DHRS4L2: variants seen among roughly 807,000 people sequenced by gnomAD.
DHRS4L2 encodes the protein dehydrogenase/reductase SDR family member 4-like 2.
In DHRS4L2, 22 loss-of-function variants were observed where a neutral mutation model predicts 23.9. That is an observed-to-expected ratio of 0.92 (90% CI 0.66 to 1.31). The LOEUF (loss-of-function observed/expected upper bound fraction) is 1.31, where lower values mean the gene tolerates loss of function less well. DHRS4L2 is among the 40% of genes most tolerant of loss of function. DHRS4L2 has a pLI of 0.00. For missense variants in DHRS4L2, 385 were observed against 303.3 expected (o/e 1.27, Z -2.00); for synonymous variants, 141 against 123.7 (o/e 1.14, Z -0.93).
At chr14:23,983,959 C>T (rs1345922900), upstream of DHRS4L2, among the ~76,000 whole-genome samples, 1 of 151,214 alleles carries the variant, frequency 6.6e-6, no homozygotes, top group African/African-American at 2.4e-5. Flanking sequence ...TGCGGTAAAC[C>T]ACCATGGCAC....
chr14:23,994,903 C>A (rs1244651080), intron 2 of DHRS4L2, 129 bp from the exon 3 acceptor site: 3 of 1,129,430 alleles, frequency 2.7e-6, no homozygotes, highest in East Asian at 2.4e-5. Context: ...CCCACCTTGG[C>A]CTCCCAAAGT....
At chr14:23,974,198 A>G (rs1255752314) in intron 1 of DHRS4L2, among the ~76,000 whole-genome samples, 1 of 151,870 alleles carries the variant, frequency 6.6e-6, no homozygotes, top group Non-Finnish European at 1.5e-5. Context: ...CTTTGAAACC[A>G]ATGAGAACAA....
At chr14:23,997,811 A>G (rs1028170576) in intron 3 of DHRS4L2, among the ~76,000 whole-genome samples, 1 of 151,752 alleles carries the variant, frequency 6.6e-6, no homozygotes, top group African/African-American at 2.4e-5. Flanking sequence ...AACTTCTTCC[A>G]GACTCCTGTA....
At position 24,000,951 on chromosome 14, in the gene DHRS4L2, G is replaced by C. The variant is rs2034474350; in HGVS notation, c.479+18G>C. On this transcript the variant is annotated intron_variant, in intron 4 of 7. Coordinates refer to ENST00000335125, the MANE Select transcript of DHRS4L2 (RefSeq NM_198083.4). ...AAACGAGGGTACAGAGAGTGAGAGAGAGCCTGGGTGAGAGGGGACCCCACA... is the reference window on the plus strand; with the variant it reads ...AAACGAGGGTACAGAGAGTGAGAGACAGCCTGGGTGAGAGGGGACCCCACA... 6.2e-7 allele frequency: 1 copy of C among 1,611,294 alleles called. No homozygotes were observed. Among genetic ancestry groups the C allele is most frequent in the Non-Finnish European group, 8.5e-7 (1 of 1,179,460 alleles).
upstream of DHRS4L2, among the ~76,000 whole-genome samples, chr14:23,986,741 C>G (rs2034151104): frequency 6.6e-6 from 1 of 151,080 alleles, no homozygotes; most frequent in African/African-American, 2.4e-5. Context: ...CAAATACCCC[C>G]CTGGAGGCTT....
intron 1 of DHRS4L2, among the ~76,000 whole-genome samples, chr14:23,981,337 A>C (rs1281775480): frequency 1.4e-4 from 22 of 151,736 alleles, no homozygotes. Context: ...GTCCATGCTC[A>C]TGGATAGGAA....
exon 1 of DHRS4L2, chr14:23,970,077 C>G (rs2033817215): frequency 2.2e-6 from 1 of 456,416 alleles, no homozygotes; most frequent in Admixed American, 2.3e-5. Context: ...TCTGCAGCAG[C>G]CTCGGCAGTA....
upstream of DHRS4L2, among the ~76,000 whole-genome samples, chr14:23,986,039 G>A (rs375777597): frequency 6.6e-6 from 1 of 151,352 alleles, no homozygotes; most frequent in Admixed American, 6.6e-5. Flanking sequence ...TTTATTTTCA[G>A]TAGAGACGAG....
intron 1 of DHRS4L2, among the ~76,000 whole-genome samples, chr14:23,972,190 G>A (rs533648142): frequency 6.6e-6 from 1 of 152,172 alleles, no homozygotes; most frequent in African/African-American, 2.4e-5. Flanking sequence ...CCCTCGCGGT[G>A]AGTGTTACAG....
chr14:23,976,162 G>A (rs2033959378), intron 1 of DHRS4L2, among the ~76,000 whole-genome samples: 1 of 151,740 alleles, frequency 6.6e-6, no homozygotes, highest in Non-Finnish European at 1.5e-5. Flanking sequence ...TCATCAGAGT[G>A]AAAAGGCAAC....
chr14:23,984,954 T>TTC (rs932909303), upstream of DHRS4L2, among the ~76,000 whole-genome samples: 16 of 151,462 alleles, frequency 1.1e-4, no homozygotes, highest in African/African-American at 3.6e-4. Flanking sequence ...GGCCCTGAGC[T>TTC]TCTATACCCC....
At chr14:23,986,654 G>A (rs2034148445), upstream of DHRS4L2, among the ~76,000 whole-genome samples, 3 of 151,558 alleles carry the variant, frequency 2.0e-5, no homozygotes, top group Admixed American at 6.6e-5. Flanking sequence ...TCTTTGAAGT[G>A]TGGTCTTCCT....
upstream of DHRS4L2, among the ~76,000 whole-genome samples, chr14:23,987,034 G>A (rs113192723): frequency 0.016 from 2,442 of 151,796 alleles, 89 homozygotes; most frequent in African/African-American, 0.056. Flanking sequence ...GAGTGCTGCA[G>A]CTGTAACTTC....
chr14:23,986,884 G>C (rs1031632101), upstream of DHRS4L2, among the ~76,000 whole-genome samples: 14 of 151,748 alleles, frequency 9.2e-5, no homozygotes, highest in East Asian at 5.8e-4. Flanking sequence ...AGAGCACAAG[G>C]AGTGTGGCGC....
rs374580169 is a variant in DHRS4L2, at chr14:23,988,963, C to T, written c.16C>T (p.Leu6=). 1.2e-6 allele frequency: 2 copies of T among 1,612,210 alleles called. No homozygotes were observed. Among genetic ancestry groups the T allele is most frequent in the Admixed American group, 1.7e-5 (1 of 59,972 alleles). The part of the protein sequence containing the change: MQMAR[L]LGLCAWARKS... Reference sequence around the variant, plus strand: ...GGTCTGATCCATGCAGATGGCCAGGCTGCTAGGCCTCTGTGCCTGGGCACG... The same window carrying T: ...GGTCTGATCCATGCAGATGGCCAGGTTGCTAGGCCTCTGTGCCTGGGCACG... The change falls in exon 1 of 8, where the codon CTG becomes TTG. Residue 6 remains leucine (L), a synonymous_variant. Transcript: ENST00000335125.
chr14:23,990,227 C>A lies in DHRS4L2; in HGVS notation c.174C>A (p.His58Gln), dbSNP rs11556286. 25 of 1,612,704 alleles carry A rather than the reference C, an allele frequency of 1.6e-5. No homozygotes were observed. The highest frequency in any genetic ancestry group is 4.5e-5 in the East Asian group (2 of 44,886). Residue 58 changes from histidine (H) to glutamine (Q), a missense_variant, in exon 2 of 8, where the codon CAC becomes CAA. Transcript: ENST00000335125. ...IARRLAQDRA[H>Q]VVVSSRKQQN... ...GGCGTTTGGCCCAGGACAGGGCCCA[C>A]GTGGTCGTCAGCAGCCGGAAGCAGC...
At chr14:23,976,960 G>C (rs2033978403) in intron 1 of DHRS4L2, among the ~76,000 whole-genome samples, 1 of 137,878 alleles carries the variant, frequency 7.3e-6, no homozygotes, top group Non-Finnish European at 1.6e-5. Context: ...GTTGGGGGCT[G>C]GGGGGCTGGG....
intron 1 of DHRS4L2, among the ~76,000 whole-genome samples, chr14:23,976,623 T>C (rs1173774294): frequency 1.3e-5 from 2 of 151,828 alleles, no homozygotes; most frequent in African/African-American, 4.8e-5. Flanking sequence ...CAAAGGATCA[T>C]AAATCATTCT....
At chr14:23,984,411 A>G (rs1338212607), upstream of DHRS4L2, among the ~76,000 whole-genome samples, 1 of 151,706 alleles carries the variant, frequency 6.6e-6, no homozygotes, top group South Asian at 2.1e-4. Flanking sequence ...AAAAGTATCA[A>G]TCCCCCAACA....
Sources: gnomAD v4.1 joint callset for allele counts (sites outside exome capture counted in the v4.1 genomes callset) on GRCh38, gnomAD v4.1.1 for gene constraint, MANE v1.5 for transcripts, NCBI Gene and HGNC (gene_info 2026-07-23, HGNC 2026-07-21) for gene names.